RHBDF1: variants seen among roughly 807,000 people sequenced by gnomAD.
The protein encoded by RHBDF1 is inactive rhomboid protein 1.
Under a neutral mutation model 98.6 loss-of-function variants are expected in RHBDF1, and 80 were observed. That is an observed-to-expected ratio of 0.81 (90% CI 0.68 to 0.98). The LOEUF (loss-of-function observed/expected upper bound fraction) is 0.98, where lower values mean the gene tolerates loss of function less well. RHBDF1 is among the 50% of genes least tolerant of loss of function. RHBDF1 has a pLI of 0.00. For missense variants in RHBDF1, 1,116 were observed against 1,198.3 expected, an observed-to-expected ratio of 0.93 and a Z score of 1.01; for synonymous variants, 512 against 486.8, an observed-to-expected ratio of 1.05 and a Z score of -0.68.
At chr16:62,443 C>CA (rs1897669085) in intron 7 of RHBDF1, 95 bp downstream of exon 7, 1 of 1,484,638 alleles carries the variant, frequency 6.7e-7, no homozygotes, top group Non-Finnish European at 9.1e-7. Context: ...CTACCCCTTC[C>CA]ATCGCCCACA....
rs370792617 is a variant in RHBDF1, at chr16:63,163, C to T, written c.482G>A (p.Arg161His). ...GMQKIIDPLA[R>H]GRAFRVADDT... ...ATCTGCCACACGGAAGGCACGGCCACGGGCCAGGGGGTCTATGATCTGGAG... is the reference window on the plus strand; with the variant it reads ...ATCTGCCACACGGAAGGCACGGCCATGGGCCAGGGGGTCTATGATCTGGAG... The change falls in exon 5 of 18, where the codon CGT becomes CAT. Residue 161 changes from arginine (R) to histidine (H), a missense_variant. Arg to His is a conservative substitution (Grantham distance 29, BLOSUM62 0). Transcript: ENST00000262316. 5.7e-6 allele frequency: 9 copies of T among 1,581,780 alleles called. No homozygotes were observed. The highest frequency in any genetic ancestry group is 2.7e-5 in the African/African-American group (2 of 74,524).
At position 58,646 on chromosome 16, in the gene RHBDF1, C is replaced by T; in HGVS notation, c.2262G>A (p.Val754=). 1 of 1,613,390 alleles carries T rather than the reference C, an allele frequency of 6.2e-7. No individual in the cohort carries two copies. Among genetic ancestry groups the T allele is most frequent in the Non-Finnish European group, 8.5e-7 (1 of 1,180,022 alleles). The change falls in exon 18 of 18, where the codon GTG becomes GTA. Residue 754 remains valine, a synonymous_variant. Transcript: ENST00000262316. ...GCCCAAAGGTGAAGAGGAAGAGCACCACAGCCAGCAGCTTGAAGAAGGCAC... is the reference window on the plus strand; with the variant it reads ...GCCCAAAGGTGAAGAGGAAGAGCACTACAGCCAGCAGCTTGAAGAAGGCAC... ...PWRAFFKLLA[V]VLFLFTFGLL...
chr16:72,283 G>C lies in RHBDF1; in HGVS notation c.-25+230C>G, dbSNP rs1897993087. Reference sequence around the variant, plus strand: ...TTGCGGCGCGCCGGGCTAGGAATCCGGGGCTGGGCCGCCTCCGCGGGCGAC... The same window carrying C: ...TTGCGGCGCGCCGGGCTAGGAATCCCGGGCTGGGCCGCCTCCGCGGGCGAC... On this transcript the variant is annotated intron_variant, in intron 1 of 17. Coordinates refer to ENST00000262316, the MANE Select transcript of RHBDF1 (RefSeq NM_022450.5). Among the ~76,000 whole-genome samples, 3 of 152,242 alleles carry C rather than the reference G, an allele frequency of 2.0e-5. No homozygotes were observed. In the South Asian group the frequency reaches 6.2e-4, roughly 32 times the overall value.
Position 58,393 on chromosome 16 carries a change from G to A in RHBDF1, c.2515C>T (p.Pro839Ser). 2 of 1,613,926 alleles carry A rather than the reference G, an allele frequency of 1.2e-6. No homozygotes were observed. The highest frequency in any genetic ancestry group is 1.7e-6 in the Non-Finnish European group (2 of 1,180,028). Reference sequence around the variant, plus strand: ...TTCTCACAGAACTTGTCAGTGAAGGGGATGCAGGTGAGGAACTCACACCAC... The same window carrying A: ...TTCTCACAGAACTTGTCAGTGAAGGAGATGCAGGTGAGGAACTCACACCAC... ...CEWCEFLTCI[P>S]FTDKFCEKYE... Residue 839 changes from proline to serine, a missense_variant, in exon 18 of 18, where the codon CCC becomes TCC. Pro to Ser is a moderately conservative substitution (Grantham distance 74, BLOSUM62 -1). Transcript: ENST00000262316.
upstream of RHBDF1, among the ~76,000 whole-genome samples, chr16:73,556 G>A (rs1033300029): frequency 6.6e-6 from 1 of 152,208 alleles, no homozygotes; most frequent in Non-Finnish European, 1.5e-5. Flanking sequence ...GACACTGGGT[G>A]GGCTGACCCT....
At chr16:72,270 G>A (rs1003402152) in intron 1 of RHBDF1, among the ~76,000 whole-genome samples, 36 of 152,266 alleles carry the variant, frequency 2.4e-4, no homozygotes, top group African/African-American at 7.7e-4. Context: ...GCGGCGCGCC[G>A]GGCTAGGAAT....
rs759503453 is a variant in RHBDF1 at position 61,406 on chromosome 16, G to A, written c.1374C>T (p.Asn458=). 2 of 1,611,862 alleles carry A rather than the reference G, an allele frequency of 1.2e-6. No individual in the cohort carries two copies. Among genetic ancestry groups the A allele is most frequent in the Non-Finnish European group, 1.7e-6 (2 of 1,179,576 alleles). Reference sequence around the variant, plus strand: ...TCACCGAGCTGGGCCCGATCCAGAAGTTCTCCTGCTGCACGTACTTGACGT... The same window carrying A: ...TCACCGAGCTGGGCCCGATCCAGAAATTCTCCTGCTGCACGTACTTGACGT... ...YENVKYVQQE[N]FWIGPSSEAL... The change falls in exon 10 of 18, where the codon AAC becomes AAT. Residue 458 remains asparagine, a synonymous_variant. Transcript: ENST00000262316.
At chr16:58,946 G>C (rs1897491779) in intron 17 of RHBDF1, 28 bp downstream of exon 17, 1 of 1,610,242 alleles carries the variant, frequency 6.2e-7, no homozygotes, top group Non-Finnish European at 8.5e-7. Context: ...GCACACGGGA[G>C]GATCCCCACC....
chr16:74,670 C>A (rs773742565), upstream of RHBDF1: 2 of 152,180 alleles, frequency 1.3e-5, no homozygotes, highest in Non-Finnish European at 2.9e-5. Context: ...CAGTGTCAGG[C>A]CTCTGAGCCC....
chr16:60,836 T>C (rs1897583159), intron 11 of RHBDF1, among the ~76,000 whole-genome samples: 1 of 152,170 alleles, frequency 6.6e-6, no homozygotes, highest in African/African-American at 2.4e-5. Context: ...TTTTAAAAAT[T>C]GCTTAGTGGA....
chr16:72,236 C>A (rs1897990885), intron 1 of RHBDF1, among the ~76,000 whole-genome samples: 2 of 152,220 alleles, frequency 1.3e-5, no homozygotes, highest in Admixed American at 1.3e-4. Context: ...GCTGGGGCTG[C>A]TAATCCGGCC....
Position 63,031 on chromosome 16 carries a change from C to G in RHBDF1, c.614G>C (p.Arg205Pro), listed in dbSNP as rs753480457. 6.2e-7 allele frequency: 1 copy of G among 1,612,576 alleles called. No individual in the cohort carries two copies. Among genetic ancestry groups the G allele is most frequent in the Admixed American group, 1.7e-5 (1 of 59,960 alleles). Residue 205 changes from arginine (R) to proline (P), a missense_variant, in exon 5 of 18, where the codon CGG (arginine) becomes CCG (proline). Coordinates refer to ENST00000262316, the MANE Select transcript of RHBDF1 (RefSeq NM_022450.5). ...CTTGGCCACCGACTCTCGCTTGCGC[C>G]GCCGCGGGAGCCGGTGGAAACCTGA... The part of the protein sequence containing the change: ...SRSGFHRLPR[R>P]RKRESVAKMS...
At chr16:72,395 G>A (rs2858051) in intron 1 of RHBDF1, 118 bp downstream of exon 1, 369,159 of 424,416 alleles carry the variant, frequency 0.87, 160,728 homozygotes, top group African/African-American at 0.9. Context: ...CCCCGACACG[G>A]CCCCGGCCGC....
At chr16:63,516 G>A in intron 4 of RHBDF1, 71 bp downstream of exon 4, 1 of 1,312,026 alleles carries the variant, frequency 7.6e-7, no homozygotes, top group South Asian at 1.4e-5. Flanking sequence ...GCTCAGGCTG[G>A]CTGTGTCCGC....
Position 61,624 on chromosome 16 carries a change from G to T in RHBDF1, c.1281C>A (p.Ile427=). The change falls in exon 9 of 18, where the codon ATC becomes ATA. Residue 427 remains isoleucine, a synonymous_variant. Coordinates refer to ENST00000262316, the MANE Select transcript of RHBDF1 (RefSeq NM_022450.5). The part of the protein sequence containing the change: ...VTILAVCIYG[I]APVGFSQHET... Reference sequence around the variant, plus strand: ...CATGCTGCGAGAAGCCCACGGGCGCGATGCCATAGATGCACACGGCTAGGA... The same window carrying T: ...CATGCTGCGAGAAGCCCACGGGCGCTATGCCATAGATGCACACGGCTAGGA... 1 of 1,613,474 alleles carries T rather than the reference G, an allele frequency of 6.2e-7. No individual in the cohort carries two copies. Among genetic ancestry groups the T allele is most frequent in the African/African-American group, 1.3e-5 (1 of 75,036 alleles).
rs1477147314 is a variant in RHBDF1, at chr16:71,002, T to C, written c.-25+1511A>G. The stretch of plus-strand genomic sequence containing the variant: ...TGAGGTGGGGGAACTGGAGCCGGTG[T>C]GGCGGAGGCCCTCACAGCCAAGAGC... On this transcript the variant is annotated intron_variant, in intron 1 of 17. Coordinates refer to ENST00000262316, the MANE Select transcript of RHBDF1 (RefSeq NM_022450.5). Among the ~76,000 whole-genome samples the C allele has an allele frequency of 6.6e-5, 10 of 152,312 alleles. No homozygotes were observed. In the East Asian group the frequency reaches 1.9e-3, roughly 29 times the overall value.
At chr16:72,295 C>T (rs1446801677) in intron 1 of RHBDF1, among the ~76,000 whole-genome samples, 2 of 152,120 alleles carry the variant, frequency 1.3e-5, no homozygotes, top group African/African-American at 2.4e-5. Context: ...GGCTGGGCCG[C>T]CTCCGCGGGC....
At chr16:67,304 A>T (rs533986490) in intron 1 of RHBDF1, among the ~76,000 whole-genome samples, 2 of 152,320 alleles carry the variant, frequency 1.3e-5, no homozygotes, top group South Asian at 2.1e-4. Flanking sequence ...TGAGGCCATT[A>T]TGGGGGCCAG....
chr16:61,001 G>T (rs962754916), intron 11 of RHBDF1, 119 bp downstream of exon 11: 1 of 1,159,570 alleles, frequency 8.6e-7, no homozygotes, highest in Admixed American at 2.5e-5. Flanking sequence ...GGCCTTGCGC[G>T]TAAGGACGGC....
Sources: gnomAD v4.1 joint callset for allele counts (sites outside exome capture counted in the v4.1 genomes callset) on GRCh38, gnomAD v4.1.1 for gene constraint, MANE v1.5 for transcripts, NCBI Gene and HGNC (gene_info 2026-07-23, HGNC 2026-07-21) for gene names.